PRKD1: variants seen among roughly 807,000 people sequenced by gnomAD.
PRKD1 encodes the protein protein kinase D1, also known as serine/threonine-protein kinase D1.
PRKD1 carries 63 observed loss-of-function variants against 95.9 expected under a neutral mutation model. The observed-to-expected ratio is 0.66, with a 90% CI of 0.54 to 0.81. PRKD1 has a LOEUF of 0.81. Ranked by LOEUF, PRKD1 falls within the 30% of genes least tolerant of loss-of-function variation. PRKD1 has a pLI of 0.00. For synonymous variants in PRKD1, 425 were observed against 423.1 expected, an observed-to-expected ratio of 1.00 and a Z score of -0.05; for missense variants, 1,048 against 1,165.3, an observed-to-expected ratio of 0.90 and a Z score of 1.47.
chr14:29,781,782 C>G (rs1052903486), intron 1 of PRKD1, among the ~76,000 whole-genome samples: 3 of 152,162 alleles, frequency 2.0e-5, no homozygotes, highest in Non-Finnish European at 4.4e-5. Flanking sequence ...TACCATAGAA[C>G]ACACCTTTAC....
chr14:29,635,414 T>G (rs1286328266), intron 7 of PRKD1, among the ~76,000 whole-genome samples: 1 of 152,172 alleles, frequency 6.6e-6, no homozygotes, highest in Non-Finnish European at 1.5e-5. Flanking sequence ...AAGAAGTGTA[T>G]GTCTTCAAAA....
intron 1 of PRKD1, among the ~76,000 whole-genome samples, chr14:29,890,660 C>G (rs1893906898): frequency 6.6e-6 from 1 of 151,966 alleles, no homozygotes; most frequent in African/African-American, 2.4e-5. Context: ...ATAATACATT[C>G]CAAGCATATT....
intron 1 of PRKD1, among the ~76,000 whole-genome samples, chr14:29,775,277 T>C (rs1162520878): frequency 6.6e-6 from 1 of 152,132 alleles, no homozygotes; most frequent in Non-Finnish European, 1.5e-5. Flanking sequence ...TTCGTCTCAT[T>C]GGTGCTTGTC....
At chr14:29,876,537 A>C (rs1290242119) in intron 1 of PRKD1, among the ~76,000 whole-genome samples, 1 of 152,170 alleles carries the variant, frequency 6.6e-6, no homozygotes, top group Non-Finnish European at 1.5e-5. Context: ...TGTGCAACCA[A>C]AGGAAAAAAT....
chr14:29,816,145 G>C lies in PRKD1; in HGVS notation c.265-90471C>G, dbSNP rs1296928442. On this transcript the variant is annotated intron_variant, in intron 1 of 17. Coordinates refer to ENST00000331968, the MANE Select transcript of PRKD1 (RefSeq NM_002742.3). ...AGGCAGAAGAGTCACTTGAACCAGG[G>C]AGTTGGAGGTTGCAGTGAGCCGAGA... Among the ~76,000 whole-genome samples, 7 of 152,118 alleles carry C rather than the reference G, an allele frequency of 4.6e-5. No individual in the cohort carries two copies. In the East Asian group the frequency reaches 1.4e-3, roughly 29 times the overall value.
rs45501396 is a variant in PRKD1 at position 29,624,585 on chromosome 14, C to T, written c.1799-327G>A. On this transcript the variant is annotated intron_variant, in intron 12 of 17. Coordinates refer to ENST00000331968, the MANE Select transcript of PRKD1 (RefSeq NM_002742.3). The stretch of plus-strand genomic sequence containing the variant: ...AGTATAGAAAATATTTGTATCACCA[C>T]CAAATTAACTCCCCTTTAGAAAGTA... Among the ~76,000 whole-genome samples, 416 of 152,072 alleles carry T rather than the reference C, an allele frequency of 2.7e-3. 2 individuals carry two copies. Among genetic ancestry groups the T allele is most frequent in the African/African-American group, 9.3e-3 (385 of 41,504 alleles).
chr14:29,859,371 G>A (rs1221085998), intron 1 of PRKD1, among the ~76,000 whole-genome samples: 2 of 152,016 alleles, frequency 1.3e-5, no homozygotes, highest in African/African-American at 4.8e-5. Flanking sequence ...CACTTTGGGA[G>A]GCTGAGGCGG....
At chr14:29,712,957 T>C (rs987484127) in intron 2 of PRKD1, among the ~76,000 whole-genome samples, 6 of 152,108 alleles carry the variant, frequency 3.9e-5, no homozygotes, top group African/African-American at 1.4e-4. Context: ...AAATAATTAA[T>C]GTCCATGAAG....
At chr14:29,703,064 G>T (rs1214028347) in intron 2 of PRKD1, among the ~76,000 whole-genome samples, 1 of 152,022 alleles carries the variant, frequency 6.6e-6, no homozygotes, top group Non-Finnish European at 1.5e-5. Context: ...TTTGCCACGT[G>T]GTCAAATCTG....
Position 29,636,319 on chromosome 14 carries a change from T to G in PRKD1, c.1161A>C (p.Pro387=). 3.1e-6 allele frequency: 5 copies of G among 1,614,248 alleles called. No individual in the cohort carries two copies. The South Asian group carries it at 5.5e-5, about 18-fold the overall frequency. ...NDSGEMQDPD[P]DHEDANRTIS... ...TGGTTCTGTTGGCGTCCTCGTGGTC[T>G]GGGTCTGGATCTTGCATCTCGCCAC... Residue 387 remains proline, a synonymous_variant, in exon 7 of 18, where the codon CCA becomes CCC. Transcript: ENST00000331968.
intron 2 of PRKD1, among the ~76,000 whole-genome samples, chr14:29,669,007 T>C (rs45618232): frequency 0.026 from 3,965 of 151,408 alleles, 143 homozygotes; most frequent in African/African-American, 0.079. Context: ...ACTTGTATTT[T>C]TTTGACTATT....
Position 29,927,654 on chromosome 14 carries a change from G to A in PRKD1, c.-142C>T, listed in dbSNP as rs1386229520. 9.5e-6 allele frequency: 5 copies of A among 527,452 alleles called. No homozygotes were observed. Among genetic ancestry groups the A allele is most frequent in the African/African-American group, 6.2e-5 (3 of 48,634 alleles). The allele number at this position is 527,452 out of a possible 1,614,324, so 32.7% of individuals were successfully genotyped here. On this transcript the variant is annotated 5_prime_UTR_variant, in exon 1 of 18. Transcript: ENST00000331968. Reference sequence around the variant, plus strand: ...AAAAACTTTCCGGAAAAGTCCCTGGGCTGGGGGAGGGCAAGGGGATGAGGA... The same window carrying A: ...AAAAACTTTCCGGAAAAGTCCCTGGACTGGGGGAGGGCAAGGGGATGAGGA...
intron 2 of PRKD1, among the ~76,000 whole-genome samples, chr14:29,699,890 A>G (rs529241497): frequency 6.6e-6 from 1 of 152,290 alleles, no homozygotes; most frequent in Non-Finnish European, 1.5e-5. Context: ...TTTAATTATT[A>G]GCTGTGTAGT....
chr14:29,675,864 C>T (rs542269176), intron 2 of PRKD1, among the ~76,000 whole-genome samples: 1 of 151,628 alleles, frequency 6.6e-6, no homozygotes, highest in Admixed American at 6.6e-5. Flanking sequence ...TCATTCTCAG[C>T]AAACTATCGC....
Position 29,785,522 on chromosome 14 carries a change from AC to A in PRKD1, c.265-59849del, listed in dbSNP as rs1412307423. On this transcript the variant is annotated intron_variant, in intron 1 of 17. Coordinates refer to ENST00000331968, the MANE Select transcript of PRKD1 (RefSeq NM_002742.3). ...GTCATCTGCAAAGAGGGACAATTTG[AC>A]TTCCTCCTTTCCAATTTGGATGCTC... Among the ~76,000 whole-genome samples the A allele has an allele frequency of 2.0e-5, 3 of 152,204 alleles. No individual in the cohort carries two copies. In the East Asian group the frequency reaches 5.8e-4, roughly 29 times the overall value.
chr14:29,886,383 C>T (rs906910195), intron 1 of PRKD1, among the ~76,000 whole-genome samples: 2 of 152,108 alleles, frequency 1.3e-5, no homozygotes, highest in Non-Finnish European at 2.9e-5. Context: ...TCTTTCCAAA[C>T]GTAGATACAT....
intron 1 of PRKD1, among the ~76,000 whole-genome samples, chr14:29,894,285 T>A (rs73243916): frequency 0.033 from 5,017 of 152,164 alleles, 297 homozygotes; most frequent in African/African-American, 0.11. Context: ...GCGAAAGAAG[T>A]GAGATGGGTA....
At chr14:29,580,564 C>A (rs561684812) in intron 16 of PRKD1, among the ~76,000 whole-genome samples, 3 of 152,012 alleles carry the variant, frequency 2.0e-5, no homozygotes, top group Non-Finnish European at 4.4e-5. Flanking sequence ...GTTGGGACCA[C>A]GGTATTAGTG....
At position 29,704,137 on chromosome 14, in the gene PRKD1, G is replaced by C. The variant is rs1186677858; in HGVS notation, c.403+21399C>G. ...ACTGTGAGGCGCTGAGGCTGAGAAA[G>C]GGTATCTAGTGAAGAGACAGTCATG... is the stretch of plus-strand genomic sequence containing the variant. On this transcript the variant is annotated intron_variant, in intron 2 of 17. Coordinates refer to ENST00000331968, the MANE Select transcript of PRKD1 (RefSeq NM_002742.3). 2.0e-5 allele frequency among the ~76,000 whole-genome samples: 3 copies of C among 152,268 alleles called. No homozygotes were observed. The East Asian group carries it at 5.8e-4, about 29-fold the overall frequency.
Sources: allele counts gnomAD v4.1 joint callset (sites outside exome capture counted in the v4.1 genomes callset), GRCh38; gene constraint gnomAD v4.1.1; transcripts MANE v1.5; gene names NCBI Gene and HGNC (gene_info 2026-07-23, HGNC 2026-07-21).